CDH6: variants seen among roughly 807,000 people sequenced by gnomAD.
CDH6 encodes the protein cadherin-6.
A neutral mutation model predicts 78.0 loss-of-function variants in CDH6; 31 were observed. The ratio of observed to expected loss-of-function variants is 0.40; its 90% CI spans 0.30 to 0.54. The LOEUF is 0.54. CDH6 is among the 20% of genes least tolerant of loss of function. The pLI, the probability that CDH6 is intolerant of heterozygous loss-of-function variation, is 0.56. For missense variants in CDH6, 724 were observed against 975.9 expected (o/e 0.74, Z 3.44); for synonymous variants, 376 against 368.8 (o/e 1.02, Z -0.23).
chr5:31,237,575 A>AT (rs1741487922), intron 1 of CDH6, among the ~76,000 whole-genome samples: 1 of 152,152 alleles, frequency 6.6e-6, no homozygotes, highest in Admixed American at 6.5e-5. Context: ...TGAACTCAGC[A>AT]TTTTTGATAG....
intron 1 of CDH6, among the ~76,000 whole-genome samples, chr5:31,266,882 T>A (rs1742375957): frequency 6.6e-6 from 1 of 152,200 alleles, no homozygotes; most frequent in Non-Finnish European, 1.5e-5. Flanking sequence ...GCCTGGCACA[T>A]CTCAGGGATT....
chr5:31,292,826 T>TATATATATATATATATGTGTGC (rs1737427618), intron 2 of CDH6, among the ~76,000 whole-genome samples: 4 of 67,406 alleles, frequency 5.9e-5, no homozygotes, highest in African/African-American at 2.7e-4. Flanking sequence ...TGTGTGCATA[T>TATATATATATATATATGTGTGC]ATATATATAT....
chr5:31,260,689 A>G (rs1453721140), intron 1 of CDH6, among the ~76,000 whole-genome samples: 1 of 152,230 alleles, frequency 6.6e-6, no homozygotes, highest in Non-Finnish European at 1.5e-5. Flanking sequence ...ATTTACAAAA[A>G]TATATATCAG....
chr5:31,301,697 C>T (rs916437400), intron 5 of CDH6, among the ~76,000 whole-genome samples: 5 of 152,148 alleles, frequency 3.3e-5, no homozygotes, highest in South Asian at 4.2e-4. Context: ...TTATTAGCAA[C>T]GGTAGAAAGA....
In CDH6 at chr5:31,328,738, T is replaced by A. The variant is rs919895018; in HGVS notation, c.*5430T>A. On this transcript the variant is annotated 3_prime_UTR_variant, in exon 12 of 12. Coordinates refer to ENST00000265071, the MANE Select transcript of CDH6 (RefSeq NM_004932.4). ...TGAAACGGATGCCACCCTTGAAGAT[T>A]TACTGGCGGGAATGCTCACTCTTGT... The A allele has an allele frequency of 1.4e-5, 3 of 216,108 alleles. No homozygotes were observed. Among genetic ancestry groups the A allele is most frequent in the African/African-American group, 6.8e-5 (3 of 44,372 alleles). The allele number at this position is 216,108 out of a possible 1,614,324, so 13.4% of individuals were successfully genotyped here.
chr5:31,325,013 G>T lies in CDH6; in HGVS notation c.*1705G>T, dbSNP rs1276401648. 1 of 209,342 alleles carries T rather than the reference G, an allele frequency of 4.8e-6. No individual in the cohort carries two copies. Among genetic ancestry groups the T allele is most frequent in the East Asian group, 7.2e-5 (1 of 13,798 alleles). The allele number at this position is 209,342 out of a possible 1,614,324, so 13.0% of individuals were successfully genotyped here. A position where few individuals can be genotyped will look rare whatever the true frequency, so the allele number is the denominator to read the frequency against. On this transcript the variant is annotated 3_prime_UTR_variant, in exon 12 of 12. Transcript: ENST00000265071. ...TATTAATTTTCTACAAATAATTTTA[G>T]TGTCATTTCCATTTGGGGATATTGT...
intron 9 of CDH6, 28 bp downstream of exon 9, chr5:31,316,357 G>C: frequency 6.3e-7 from 1 of 1,590,334 alleles, no homozygotes; most frequent in Non-Finnish European, 8.6e-7. Flanking sequence ...GTATATTCAA[G>C]TTGAACATCA....
At chr5:31,290,067 G>A (rs1356284909) in intron 2 of CDH6, among the ~76,000 whole-genome samples, 1 of 152,110 alleles carries the variant, frequency 6.6e-6, no homozygotes, top group Non-Finnish European at 1.5e-5. Flanking sequence ...GACCAGCCTG[G>A]CCAACATGGT....
At chr5:31,228,000 G>A (rs1023320338) in intron 1 of CDH6, among the ~76,000 whole-genome samples, 3 of 152,120 alleles carry the variant, frequency 2.0e-5, no homozygotes, top group Admixed American at 6.5e-5. Flanking sequence ...TCAGCCTGTC[G>A]GTGTGCTTGT....
chr5:31,287,942 T>C (rs1243038521), intron 2 of CDH6, among the ~76,000 whole-genome samples: 1 of 152,262 alleles, frequency 6.6e-6, no homozygotes, highest in Non-Finnish European at 1.5e-5. Context: ...TGTCTTTTTT[T>C]CCTCTTTCAC....
At chr5:31,297,512 T>C in intron 4 of CDH6, 104 bp downstream of exon 4, 4 of 791,354 alleles carry the variant, frequency 5.1e-6, no homozygotes, top group Non-Finnish European at 7.9e-6. Flanking sequence ...TTGGATTTTC[T>C]TGCATACATC....
At chr5:31,261,398 T>C (rs1742208207) in intron 1 of CDH6, among the ~76,000 whole-genome samples, 1 of 152,198 alleles carries the variant, frequency 6.6e-6, no homozygotes, top group South Asian at 2.1e-4. Flanking sequence ...TAAAAAGAGT[T>C]CTATATTTAT....
intron 1 of CDH6, among the ~76,000 whole-genome samples, chr5:31,266,027 C>T (rs768277827): frequency 1.3e-5 from 2 of 151,952 alleles, no homozygotes; most frequent in Non-Finnish European, 2.9e-5. Context: ...CTGCCCACCT[C>T]GGCCTCCCAA....
intron 1 of CDH6, among the ~76,000 whole-genome samples, chr5:31,238,696 A>G (rs1347070259): frequency 6.6e-6 from 1 of 152,206 alleles, no homozygotes; most frequent in African/African-American, 2.4e-5. Context: ...TGAGTCTTCA[A>G]AATCTGGTGT....
chr5:31,198,149 A>G (rs972055964), intron 1 of CDH6, among the ~76,000 whole-genome samples: 3 of 152,222 alleles, frequency 2.0e-5, no homozygotes, highest in East Asian at 3.8e-4. Context: ...GAACTCTCCA[A>G]GAAACTTTCA....
chr5:31,235,454 C>G (rs1741431492), intron 1 of CDH6, among the ~76,000 whole-genome samples: 1 of 152,038 alleles, frequency 6.6e-6, no homozygotes, highest in Non-Finnish European at 1.5e-5. Flanking sequence ...CATTTAGAGT[C>G]TTCTTCTATT....
At chr5:31,199,293 T>C (rs1396456698) in intron 1 of CDH6, among the ~76,000 whole-genome samples, 1 of 150,980 alleles carries the variant, frequency 6.6e-6, no homozygotes, top group East Asian at 1.9e-4. Flanking sequence ...CACACATATA[T>C]ATAGTGGACA....
intron 1 of CDH6, among the ~76,000 whole-genome samples, chr5:31,237,075 A>G (rs1741473480): frequency 1.3e-5 from 2 of 152,366 alleles, no homozygotes; most frequent in South Asian, 2.1e-4. Context: ...TTAAGAATGA[A>G]TGAATCCATT....
chr5:31,322,874 A>T lies in CDH6; in HGVS notation c.1939A>T (p.Ile647Phe). ...GCAGCGAAAAAAAGAGCCTTTGATC[A>T]TTTCCAAAGAGGACATCAGAGATAA... ...RRQRKKEPLI[I>F]SKEDIRDNIV... The change falls in exon 12 of 12, where the codon ATT becomes TTT. Residue 647 changes from isoleucine (I) to phenylalanine (F), a missense_variant. Ile to Phe is a conservative substitution (Grantham distance 21). Transcript: ENST00000265071. The T allele has an allele frequency of 6.2e-7, 1 of 1,614,162 alleles. No individual in the cohort carries two copies. Among genetic ancestry groups the T allele is most frequent in the Non-Finnish European group, 8.5e-7 (1 of 1,180,020 alleles).
Sources: gnomAD v4.1 joint callset for allele counts (sites outside exome capture counted in the v4.1 genomes callset) on GRCh38, gnomAD v4.1.1 for gene constraint, MANE v1.5 for transcripts, NCBI Gene and HGNC (gene_info 2026-07-23, HGNC 2026-07-21) for gene names.